The following CDK17 variants were observed in gnomAD, a reference collection of about 807,000 sequenced individuals.
The protein encoded by CDK17 is cyclin-dependent kinase 17.
In CDK17, 24 loss-of-function variants were observed where a neutral mutation model predicts 77.6. That is an observed-to-expected ratio of 0.31 (90% CI 0.22 to 0.44). The LOEUF (loss-of-function observed/expected upper bound fraction) is 0.44. CDK17 is among the 20% of genes least tolerant of loss of function. CDK17 has a pLI of 1.00. For missense variants in CDK17, 429 were observed against 622.5 expected, an observed-to-expected ratio of 0.69 and a Z score of 3.31; for synonymous variants, 203 against 210.4, an observed-to-expected ratio of 0.96 and a Z score of 0.30.
chr12:96,385,012 G>GAAA (rs75720821), intron 1 of CDK17, among the ~76,000 whole-genome samples: 1 of 75,496 alleles, frequency 1.3e-5, no homozygotes, highest in Non-Finnish European at 2.6e-5. Flanking sequence ...TTTCTCAAGG[G>GAAA]AAAAAAAAAA....
intron 1 of CDK17, among the ~76,000 whole-genome samples, chr12:96,341,160 G>A (rs1290779612): frequency 6.6e-6 from 1 of 152,084 alleles, no homozygotes; most frequent in South Asian, 2.1e-4. Context: ...ATCATCCTAC[G>A]CTATTGTTTC....
intron 1 of CDK17, among the ~76,000 whole-genome samples, chr12:96,391,638 A>G (rs1233487241): frequency 1.3e-5 from 2 of 152,118 alleles, no homozygotes; most frequent in African/African-American, 2.4e-5. Context: ...ACTGACCAAT[A>G]TTTTTAGACC....
intron 5 of CDK17, among the ~76,000 whole-genome samples, chr12:96,307,401 G>A (rs1447724140): frequency 6.6e-6 from 1 of 152,094 alleles, no homozygotes; most frequent in East Asian, 1.9e-4. Context: ...CATGTAGACT[G>A]TAAAAGATAG....
At chr12:96,348,511 G>A (rs190073436) in intron 1 of CDK17, among the ~76,000 whole-genome samples, 4 of 114,318 alleles carry the variant, frequency 3.5e-5, no homozygotes, top group East Asian at 5.4e-4. Flanking sequence ...GCAACACAGC[G>A]AGACTCTGTC....
At chr12:96,374,328 G>A (rs186557955) in intron 1 of CDK17, among the ~76,000 whole-genome samples, 15 of 152,246 alleles carry the variant, frequency 9.9e-5, no homozygotes, top group Admixed American at 5.2e-4. Context: ...TTGTACATGC[G>A]TAGAAAAATT....
intron 1 of CDK17, among the ~76,000 whole-genome samples, chr12:96,345,534 T>C (rs1953193402): frequency 6.6e-6 from 1 of 152,222 alleles, no homozygotes; most frequent in Non-Finnish European, 1.5e-5. Flanking sequence ...TGGTGTGAGA[T>C]GTTATCTCAT....
chr12:96,298,844 A>C, intron 7 of CDK17, 25 bp downstream of exon 7: 6 of 1,259,882 alleles, frequency 4.8e-6, no homozygotes, highest in Non-Finnish European at 6.8e-6. Flanking sequence ...CTTTGATTTT[A>C]AAATGTTCTG....
In CDK17 at chr12:96,280,104, TA is replaced by T; in HGVS notation, c.*137del. The T allele has an allele frequency of 2.6e-6, 2 of 772,766 alleles. No individual in the cohort carries two copies. Among genetic ancestry groups the T allele is most frequent in the Non-Finnish European group, 1.9e-6 (1 of 519,348 alleles). 47.9% of individuals were successfully genotyped at this position (772,766 alleles called of 1,614,324 possible). A position where few individuals can be genotyped will look rare whatever the true frequency, so the allele number is the denominator to read the frequency against. ...ATAAAAACAATCTGTAGGTCTGAAA[TA>T]AAAAGACTCCACTGTGAAGAGGACA... is the stretch of plus-strand genomic sequence containing the variant. On this transcript the variant is annotated 3_prime_UTR_variant, in exon 17 of 17. Transcript: ENST00000261211.
chr12:96,324,235 T>A, intron 2 of CDK17, 123 bp from the exon 3 acceptor site: 2 of 538,990 alleles, frequency 3.7e-6, no homozygotes, highest in Non-Finnish European at 6.2e-6. Flanking sequence ...CCTCATTGCT[T>A]TGCTTAACTA....
Position 96,355,403 on chromosome 12 carries a change from T to A in CDK17, c.-29-20538A>T, listed in dbSNP as rs1327835945. On this transcript the variant is annotated intron_variant, in intron 1 of 16. Coordinates refer to ENST00000261211, the MANE Select transcript of CDK17 (RefSeq NM_002595.5). ...TGTCTAACATTCTACATTGGGTTTT[T>A]TTTTTTTTTTTTTTTTTTGGAGATG... 7.4e-5 allele frequency among the ~76,000 whole-genome samples: 10 copies of A among 134,326 alleles called. No homozygotes were observed. In the South Asian group the frequency reaches 2.4e-3, roughly 32 times the overall value. The allele number at this position is 134,326 out of a possible 152,430, so 88.1% of individuals were successfully genotyped here.
At chr12:96,334,130 C>T (rs148503421) in intron 2 of CDK17, among the ~76,000 whole-genome samples, 4 of 152,318 alleles carry the variant, frequency 2.6e-5, no homozygotes, top group East Asian at 3.9e-4. Context: ...AAGCCAGTCA[C>T]GTAAGTTCCT....
At chr12:96,367,774 T>C (rs1382638959) in intron 1 of CDK17, among the ~76,000 whole-genome samples, 2 of 151,470 alleles carry the variant, frequency 1.3e-5, no homozygotes, top group Admixed American at 6.6e-5. Context: ...CCCAGCACTT[T>C]GGGAGGCCAA....
chr12:96,396,277 T>G (rs1465622675), intron 1 of CDK17, among the ~76,000 whole-genome samples: 1 of 152,184 alleles, frequency 6.6e-6, no homozygotes, highest in Non-Finnish European at 1.5e-5. Flanking sequence ...CAGGTCAATA[T>G]TTTGCAGATA....
At chr12:96,366,114 A>G (rs538300801) in intron 1 of CDK17, among the ~76,000 whole-genome samples, 32 of 152,336 alleles carry the variant, frequency 2.1e-4, no homozygotes, top group African/African-American at 7.2e-4. Flanking sequence ...AGACACCGGG[A>G]AGGCCAAAAA....
intron 3 of CDK17, among the ~76,000 whole-genome samples, chr12:96,314,688 C>T (rs930819932): frequency 6.6e-6 from 1 of 152,222 alleles, no homozygotes; most frequent in African/African-American, 2.4e-5. Context: ...TACTAGGAAA[C>T]AAATGCTGGA....
intron 1 of CDK17, among the ~76,000 whole-genome samples, chr12:96,336,196 T>G (rs979082431): frequency 5.9e-5 from 9 of 152,192 alleles, no homozygotes; most frequent in Admixed American, 1.3e-4. Context: ...GCATAGTAGC[T>G]CATGCTTGTA....
intron 3 of CDK17, among the ~76,000 whole-genome samples, chr12:96,316,614 C>G (rs535111004): frequency 1.2e-4 from 16 of 136,418 alleles, no homozygotes; most frequent in East Asian, 8.6e-4. Flanking sequence ...GATCTGAGAA[C>G]GGGCAGACTG....
chr12:96,308,252 A>AAAG (rs750453479), intron 5 of CDK17, among the ~76,000 whole-genome samples: 11 of 143,562 alleles, frequency 7.7e-5, no homozygotes, highest in Non-Finnish European at 1.2e-4. Context: ...AAAAAAAAAA[A>AAAG]GTTTTTTAAT....
intron 9 of CDK17, among the ~76,000 whole-genome samples, chr12:96,296,763 T>A (rs1952412776): frequency 1.3e-5 from 2 of 152,212 alleles, no homozygotes; most frequent in Admixed American, 6.5e-5. Flanking sequence ...TTTAAATATG[T>A]TGTTGTAAGA....
Sources: allele counts gnomAD v4.1 joint callset (sites outside exome capture counted in the v4.1 genomes callset), GRCh38; gene constraint gnomAD v4.1.1; transcripts MANE v1.5; gene names NCBI Gene and HGNC (gene_info 2026-07-23, HGNC 2026-07-21).